Variants in FRMD4A observed in about 807,000 individuals in gnomAD.
FRMD4A encodes the protein FERM domain containing 4A, also known as FERM domain-containing protein 4A.
FRMD4A carries 29 observed loss-of-function variants against 129.1 expected under a neutral mutation model. The ratio of observed to expected loss-of-function variants is 0.22; its 90% CI spans 0.17 to 0.31. The LOEUF (loss-of-function observed/expected upper bound fraction) is 0.31, where lower values mean the gene tolerates loss of function less well. Ranked by LOEUF, FRMD4A falls within the 10% of genes least tolerant of loss-of-function variation. The pLI is 1.00. For missense variants in FRMD4A, 1,272 were observed against 1,375.8 expected (o/e 0.92, Z 1.19); for synonymous variants, 634 against 571.6 (o/e 1.11, Z -1.56).
rs187745599 is a variant in FRMD4A at position 13,979,879 on chromosome 10, A to G, written c.46-120967T>C. 1.1e-4 allele frequency among the ~76,000 whole-genome samples: 16 copies of G among 152,342 alleles called. No individual in the cohort carries two copies. The East Asian group carries it at 2.9e-3, about 28-fold the overall frequency. On this transcript the variant is annotated intron_variant, in intron 2 of 24. Coordinates refer to ENST00000357447, the MANE Select transcript of FRMD4A (RefSeq NM_018027.5). ...TTTTAGGTGGCCATGCCTACATAAA[A>G]TCCACCCTGGTGCAGCTGAAACTCT... is the stretch of plus-strand genomic sequence containing the variant.
At chr10:14,152,117 CTTTTTTTTTTTT>C (rs36023583) in intron 2 of FRMD4A, among the ~76,000 whole-genome samples, 3 of 54,112 alleles carry the variant, frequency 5.5e-5, no homozygotes, top group African/African-American at 2.3e-4. Context: ...TTGTGTAGTG[CTTTTTTTTTTTT>C]TTTTTTTTTT....
At chr10:14,187,928 T>A (rs1396764311) in intron 2 of FRMD4A, among the ~76,000 whole-genome samples, 1 of 152,134 alleles carries the variant, frequency 6.6e-6, no homozygotes, top group Non-Finnish European at 1.5e-5. Flanking sequence ...TCCCGGGAGA[T>A]GACGATGGAA....
intron 2 of FRMD4A, among the ~76,000 whole-genome samples, chr10:14,017,613 A>G (rs752312909): frequency 3.9e-5 from 6 of 152,172 alleles, no homozygotes; most frequent in Non-Finnish European, 8.8e-5. Flanking sequence ...TTTAACAAGC[A>G]ATTTTCTTCA....
At chr10:14,078,858 C>T (rs1209983852) in intron 2 of FRMD4A, among the ~76,000 whole-genome samples, 2 of 152,200 alleles carry the variant, frequency 1.3e-5, no homozygotes, top group Non-Finnish European at 2.9e-5. Context: ...GAGACTGGTA[C>T]ATCTGCCTTA....
chr10:14,276,572 C>G (rs532384135), intron 2 of FRMD4A, among the ~76,000 whole-genome samples: 1 of 152,240 alleles, frequency 6.6e-6, no homozygotes, highest in Non-Finnish European at 1.5e-5. Context: ...CACTTTGGCC[C>G]TCTGCCTCTG....
chr10:13,900,932 A>G (rs1157285638), intron 2 of FRMD4A, among the ~76,000 whole-genome samples: 1 of 152,202 alleles, frequency 6.6e-6, no homozygotes, highest in Non-Finnish European at 1.5e-5. Flanking sequence ...TAAGAAGGTT[A>G]AAACTTAGTT....
At chr10:14,258,527 A>G (rs1844693895) in intron 2 of FRMD4A, among the ~76,000 whole-genome samples, 1 of 152,260 alleles carries the variant, frequency 6.6e-6, no homozygotes, top group Non-Finnish European at 1.5e-5. Flanking sequence ...CCGAATTGTT[A>G]AAGTTGAACA....
intron 2 of FRMD4A, among the ~76,000 whole-genome samples, chr10:13,864,596 G>GTTTT (rs2094340639): frequency 7.3e-6 from 1 of 136,440 alleles, no homozygotes. Context: ...TTTTTTTTGA[G>GTTTT]CCAGTGTCTC....
At chr10:14,224,041 T>A (rs1564398678) in intron 2 of FRMD4A, among the ~76,000 whole-genome samples, 1 of 152,198 alleles carries the variant, frequency 6.6e-6, no homozygotes, top group Non-Finnish European at 1.5e-5. Flanking sequence ...GGGACATACA[T>A]TGTCCATTGC....
chr10:13,746,531 T>C (rs2091299939), intron 9 of FRMD4A, among the ~76,000 whole-genome samples: 1 of 152,090 alleles, frequency 6.6e-6, no homozygotes, highest in South Asian at 2.1e-4. Flanking sequence ...CATCAAGACA[T>C]GCCCTACCCC....
chr10:14,250,034 A>T (rs1298346927), intron 2 of FRMD4A, among the ~76,000 whole-genome samples: 1 of 150,328 alleles, frequency 6.7e-6, no homozygotes, highest in Non-Finnish European at 1.5e-5. Context: ...ATCTCGGCTC[A>T]CTGCAACCTC....
intron 2 of FRMD4A, among the ~76,000 whole-genome samples, chr10:14,126,248 G>A (rs1838836105): frequency 7.0e-6 from 1 of 143,320 alleles, no homozygotes; most frequent in South Asian, 2.2e-4. Flanking sequence ...TTGGCTCAGT[G>A]CAACCTCTGC....
At chr10:13,727,337 G>A (rs1588447517) in intron 12 of FRMD4A, among the ~76,000 whole-genome samples, 1 of 152,114 alleles carries the variant, frequency 6.6e-6, no homozygotes, top group Non-Finnish European at 1.5e-5. Flanking sequence ...AAGGACGTAC[G>A]CCCTCTCCCG....
chr10:13,923,414 T>G (rs17154204), intron 2 of FRMD4A, among the ~76,000 whole-genome samples: 4,658 of 152,270 alleles, frequency 0.031, 235 homozygotes, highest in East Asian at 0.22. Context: ...TACCACAACT[T>G]TAGACTTAGG....
In FRMD4A at chr10:13,666,309, C is replaced by T. The variant is rs771952094; in HGVS notation, c.1391G>A (p.Arg464His). 2.1e-5 allele frequency: 34 copies of T among 1,613,498 alleles called. No individual in the cohort carries two copies. Among genetic ancestry groups the T allele is most frequent in the South Asian group, 4.4e-5 (4 of 91,068 alleles). The change falls in exon 18 of 25, where the codon CGC becomes CAC. Residue 464 changes from arginine (R) to histidine (H), a missense_variant. Coordinates refer to ENST00000357447, the MANE Select transcript of FRMD4A (RefSeq NM_018027.5). ...CTGAATGGCAAACTCTCGTTCCAGG[C>T]GTTCCAGCTCAGCTTCCTGTGGGAG... ...LPKGEEAELE[R>H]LEREFAIQSQ...
chr10:13,709,065 C>T (rs1204614341), intron 12 of FRMD4A, among the ~76,000 whole-genome samples: 3 of 152,142 alleles, frequency 2.0e-5, no homozygotes, highest in Non-Finnish European at 2.9e-5. Flanking sequence ...CGGGTTCAAG[C>T]GATTCTTGTG....
chr10:13,669,517 C>G (rs946615219), intron 17 of FRMD4A, among the ~76,000 whole-genome samples: 3 of 152,246 alleles, frequency 2.0e-5, no homozygotes, highest in Non-Finnish European at 4.4e-5. Context: ...CTAATCCTAC[C>G]TACCCCAGGT....
At chr10:14,241,249 T>C (rs543925074) in intron 2 of FRMD4A, among the ~76,000 whole-genome samples, 2 of 152,342 alleles carry the variant, frequency 1.3e-5, no homozygotes, top group African/African-American at 4.8e-5. Flanking sequence ...TCACTATATT[T>C]ATGAAATAGG....
At chr10:13,679,885 C>T (rs1411513016) in intron 15 of FRMD4A, among the ~76,000 whole-genome samples, 4 of 152,120 alleles carry the variant, frequency 2.6e-5, no homozygotes, top group East Asian at 1.9e-4. Flanking sequence ...ACACCAGCAA[C>T]ATTCCACAGA....
Sources: gnomAD v4.1 joint callset for allele counts (sites outside exome capture counted in the v4.1 genomes callset) on GRCh38, gnomAD v4.1.1 for gene constraint, MANE v1.5 for transcripts, NCBI Gene and HGNC (gene_info 2026-07-23, HGNC 2026-07-21) for gene names.